The following PRMT8 variants were observed in gnomAD, a reference collection of about 807,000 sequenced individuals.
PRMT8 encodes the protein protein arginine methyltransferase 8.
A neutral mutation model predicts 47.1 loss-of-function variants in PRMT8; 7 were observed. The ratio of observed to expected loss-of-function variants is 0.15; its 90% CI spans 0.08 to 0.28. The LOEUF is 0.28. PRMT8 is among the 10% of genes least tolerant of loss of function. The pLI is 1.00. For synonymous variants in PRMT8, 188 were observed against 186.5 expected, an observed-to-expected ratio of 1.01 and a Z score of -0.07; for missense variants, 237 against 505.4, an observed-to-expected ratio of 0.47 and a Z score of 5.09.
upstream of PRMT8, among the ~76,000 whole-genome samples, chr12:3,490,547 G>C (rs891126397): frequency 4.1e-5 from 3 of 72,610 alleles, no homozygotes; most frequent in East Asian, 1.0e-3. Flanking sequence ...AGACTGGAGT[G>C]GGGGGGGGGG....
chr12:3,419,910 G>A (rs1164652912), intron 1 of PRMT8, among the ~76,000 whole-genome samples: 1 of 149,550 alleles, frequency 6.7e-6, no homozygotes, highest in African/African-American at 2.5e-5. Flanking sequence ...TGTTGGTGAT[G>A]GAGCCAGAGG....
intron 1 of PRMT8, chr12:3,469,338 G>C: frequency 2.9e-6 from 1 of 348,116 alleles, no homozygotes; most frequent in Non-Finnish European, 5.6e-6. Context: ...ACTGGAGAAA[G>C]ATAAAGTGGA....
At chr12:3,525,679 AG>A (rs1291348783) in intron 1 of PRMT8, among the ~76,000 whole-genome samples, 2 of 152,174 alleles carry the variant, frequency 1.3e-5, no homozygotes, top group African/African-American at 4.8e-5. Flanking sequence ...AATGCTTAAA[AG>A]TCTTTGATTT....
At chr12:3,399,588 CTG>C (rs1046481763) in intron 1 of PRMT8, among the ~76,000 whole-genome samples, 44 of 152,300 alleles carry the variant, frequency 2.9e-4, no homozygotes, top group African/African-American at 1.1e-3. Flanking sequence ...AGGAATATAA[CTG>C]TACCTGAAAT....
chr12:3,553,325 A>G, intron 3 of PRMT8: 1 of 388,248 alleles, frequency 2.6e-6, no homozygotes. Flanking sequence ...GGTGGGGAGG[A>G]CGTACTGCCT....
intron 8 of PRMT8, among the ~76,000 whole-genome samples, chr12:3,590,897 G>A: frequency 6.6e-6 from 1 of 152,142 alleles, no homozygotes; most frequent in Non-Finnish European, 1.5e-5. Context: ...CCCGGTCCCT[G>A]CCCTCATGGA....
At chr12:3,396,865 T>A (rs1864254880) in intron 1 of PRMT8, among the ~76,000 whole-genome samples, 2 of 151,686 alleles carry the variant, frequency 1.3e-5, no homozygotes, top group African/African-American at 2.4e-5. Flanking sequence ...AGACATAGAT[T>A]TGGTCTTTTC....
At chr12:3,459,870 C>G (rs1865021862) in intron 1 of PRMT8, among the ~76,000 whole-genome samples, 1 of 152,076 alleles carries the variant, frequency 6.6e-6, no homozygotes, top group Non-Finnish European at 1.5e-5. Context: ...TCTCTTAGTC[C>G]CTCTTCAGAT....
chr12:3,491,757 G>GCGC (rs1230882766), intron 1 of PRMT8, 57 bp downstream of exon 1: 18 of 1,541,442 alleles, frequency 1.2e-5, no homozygotes, highest in African/African-American at 2.8e-5. Context: ...CCGGACCACC[G>GCGC]CGCCGCCGCC....
chr12:3,388,487 G>C (rs186774019), intron 1 of PRMT8, among the ~76,000 whole-genome samples: 2 of 152,264 alleles, frequency 1.3e-5, no homozygotes, highest in Admixed American at 1.3e-4. Flanking sequence ...TCTGTGGAGC[G>C]ATACTTTGAG....
At chr12:3,479,437 T>C (rs1865251080) in intron 1 of PRMT8, among the ~76,000 whole-genome samples, 1 of 152,252 alleles carries the variant, frequency 6.6e-6, no homozygotes, top group Non-Finnish European at 1.5e-5. Context: ...GCTAATTTTT[T>C]TTAGTCCTTT....
At chr12:3,389,798 C>T (rs531159066) in intron 1 of PRMT8, among the ~76,000 whole-genome samples, 20 of 152,314 alleles carry the variant, frequency 1.3e-4, no homozygotes, top group African/African-American at 4.6e-4. Flanking sequence ...ATTCCCTTTC[C>T]GTCTGCTAGT....
rs192041965 is a variant in PRMT8 at position 3,541,072 on chromosome 12, G to A, written c.261+281G>A. Reference sequence around the variant, plus strand: ...CCATTTGTTTTACATTCCAGCTCCCGTGTCTCTCCCCAGCCATAAACCCAG... The same window carrying A: ...CCATTTGTTTTACATTCCAGCTCCCATGTCTCTCCCCAGCCATAAACCCAG... On this transcript the variant is annotated intron_variant, in intron 2 of 9. Transcript: ENST00000382622. Among the ~76,000 whole-genome samples the A allele has an allele frequency of 2.0e-5, 3 of 152,294 alleles. No individual in the cohort carries two copies. In the East Asian group the frequency reaches 5.8e-4, roughly 29 times the overall value.
intron 1 of PRMT8, among the ~76,000 whole-genome samples, chr12:3,498,183 G>A (rs1471651838): frequency 6.6e-6 from 1 of 152,178 alleles, no homozygotes; most frequent in Non-Finnish European, 1.5e-5. Flanking sequence ...CCCATTGTAT[G>A]GATTAATAAA....
At chr12:3,560,041 A>G (rs917593113) in intron 4 of PRMT8, among the ~76,000 whole-genome samples, 12 of 152,194 alleles carry the variant, frequency 7.9e-5, no homozygotes, top group Admixed American at 6.5e-4. Flanking sequence ...AGGGACCTCC[A>G]GGTCCAGGGA....
chr12:3,591,427 T>TTTC, intron 8 of PRMT8, among the ~76,000 whole-genome samples: 1 of 149,938 alleles, frequency 6.7e-6, no homozygotes, highest in East Asian at 1.9e-4. Context: ...TTTTTTTTTT[T>TTTC]TGAGACAGGG....
chr12:3,507,118 C>CTTTTTT (rs72188443), intron 1 of PRMT8, among the ~76,000 whole-genome samples: 12 of 122,548 alleles, frequency 9.8e-5, no homozygotes, highest in East Asian at 2.4e-4. Context: ...GGTGGCCTTT[C>CTTTTTT]TTTTTTTTTT....
chr12:3,537,283 T>C (rs1481637174), intron 1 of PRMT8, among the ~76,000 whole-genome samples: 2 of 152,260 alleles, frequency 1.3e-5, no homozygotes, highest in Non-Finnish European at 2.9e-5. Context: ...AACATTTTTG[T>C]TGCACATCAA....
At chr12:3,562,211 C>T (rs1253777076) in intron 4 of PRMT8, among the ~76,000 whole-genome samples, 3 of 152,052 alleles carry the variant, frequency 2.0e-5, no homozygotes, top group Non-Finnish European at 4.4e-5. Flanking sequence ...AGAAATGAGA[C>T]CAATCATATG....
Sources: gnomAD v4.1 joint callset for allele counts (sites outside exome capture counted in the v4.1 genomes callset) on GRCh38, gnomAD v4.1.1 for gene constraint, MANE v1.5 for transcripts, NCBI Gene and HGNC (gene_info 2026-07-23, HGNC 2026-07-21) for gene names.